Variants in ERC2 observed in about 807,000 individuals in gnomAD.
The protein encoded by ERC2 is ERC protein 2.
Under a neutral mutation model 114.8 loss-of-function variants are expected in ERC2, and 42 were observed. The ratio of observed to expected loss-of-function variants is 0.37; its 90% CI spans 0.29 to 0.47. The LOEUF is 0.47. Among genes scored for constraint, ERC2 ranks in the 20% least tolerant of loss-of-function variants. The pLI is 0.99. For synonymous variants in ERC2, 454 were observed against 425.5 expected (o/e 1.07, Z -0.82); for missense variants, 939 against 1,150.7 (o/e 0.82, Z 2.66).
At chr3:55,716,849 A>G (rs1387448011) in intron 15 of ERC2, among the ~76,000 whole-genome samples, 1 of 152,178 alleles carries the variant, frequency 6.6e-6, no homozygotes, top group Non-Finnish European at 1.5e-5. Context: ...TTTATTTTAC[A>G]TTTCCAGTAG....
chr3:56,292,609 A>G (rs1269033198), intron 3 of ERC2, among the ~76,000 whole-genome samples: 1 of 151,954 alleles, frequency 6.6e-6, no homozygotes, highest in East Asian at 1.9e-4. Context: ...CCCGCAAAAA[A>G]AAGAAAAGAA....
chr3:56,081,443 C>A (rs1280249535), intron 6 of ERC2, among the ~76,000 whole-genome samples: 1 of 151,972 alleles, frequency 6.6e-6, no homozygotes, highest in African/African-American at 2.4e-5. Context: ...GAGAAACACT[C>A]CTAAATTAGA....
intron 17 of ERC2, chr3:55,613,143 G>A (rs1255001439): frequency 1.3e-5 from 2 of 152,160 alleles, no homozygotes; most frequent in African/African-American, 4.8e-5. Flanking sequence ...TGAACCATTT[G>A]AGTTCTAAGA....
At chr3:55,908,944 T>C (rs2064633606) in intron 13 of ERC2, among the ~76,000 whole-genome samples, 2 of 152,186 alleles carry the variant, frequency 1.3e-5, no homozygotes, top group African/African-American at 4.8e-5. Flanking sequence ...CATGAAGTAG[T>C]CCCTCGAATA....
At chr3:56,434,139 T>G in intron 2 of ERC2, 29 of 390,056 alleles carry the variant, frequency 7.4e-5, no homozygotes, top group Non-Finnish European at 8.6e-5. Context: ...TCTGCAACCA[T>G]GTGAAAAGGT....
rs1559689616 is a variant in ERC2, at chr3:55,808,739, ATAT to A, written c.2565-73824_2565-73822del. ...TATATATATATATATATATATATAT[ATAT>A]AACGTATAACTAAACATATATATAT... On this transcript the variant is annotated intron_variant, in intron 14 of 17. Coordinates refer to ENST00000288221, the MANE Select transcript of ERC2 (RefSeq NM_015576.3). 6.2e-3 allele frequency among the ~76,000 whole-genome samples: 573 copies of A among 92,738 alleles called. 6 individuals are homozygous for A. Among genetic ancestry groups the A allele is most frequent in the East Asian group, 0.019 (60 of 3,118 alleles). The allele number at this position is 92,738 out of a possible 152,430, so 60.8% of individuals were successfully genotyped here. A position where few individuals can be genotyped will look rare whatever the true frequency, so the allele number is the denominator to read the frequency against.
intron 1 of ERC2, among the ~76,000 whole-genome samples, chr3:56,458,433 T>G (rs1469530853): frequency 3.3e-5 from 5 of 152,186 alleles, no homozygotes; most frequent in Admixed American, 2.6e-4. Flanking sequence ...CTATTCATGT[T>G]GTGAATTCAA....
intron 15 of ERC2, among the ~76,000 whole-genome samples, chr3:55,714,390 G>A (rs1417503925): frequency 6.6e-6 from 1 of 152,144 alleles, no homozygotes; most frequent in South Asian, 2.1e-4. Context: ...AATCATAGGA[G>A]CAGTTAATGA....
intron 1 of ERC2, among the ~76,000 whole-genome samples, chr3:56,459,817 T>C (rs761211436): frequency 5.3e-5 from 8 of 152,088 alleles, no homozygotes; most frequent in Non-Finnish European, 7.3e-5. Flanking sequence ...GCACACGCAC[T>C]CTCTCTCTTT....
chr3:56,360,563 G>T (rs190569443), intron 2 of ERC2, among the ~76,000 whole-genome samples: 18 of 152,264 alleles, frequency 1.2e-4, no homozygotes, highest in Admixed American at 1.0e-3. Flanking sequence ...AGCAGAGAAA[G>T]CTTCACAGAA....
intron 3 of ERC2, among the ~76,000 whole-genome samples, chr3:56,294,740 T>C (rs2150354457): frequency 6.6e-6 from 1 of 152,354 alleles, no homozygotes; most frequent in South Asian, 2.1e-4. Flanking sequence ...TATAATGGTG[T>C]GAATTCCAAG....
chr3:55,850,025 G>A (rs2061505792), intron 14 of ERC2, among the ~76,000 whole-genome samples: 1 of 152,186 alleles, frequency 6.6e-6, no homozygotes, highest in African/African-American at 2.4e-5. Context: ...CCCTGATGGA[G>A]AAACCATTCC....
intron 2 of ERC2, among the ~76,000 whole-genome samples, chr3:56,377,369 C>T (rs544349828): frequency 6.6e-6 from 1 of 152,148 alleles, no homozygotes; most frequent in South Asian, 2.1e-4. Flanking sequence ...GAAAGAAATG[C>T]CTGAGGATGC....
At chr3:55,730,375 T>C (rs893187601) in intron 15 of ERC2, among the ~76,000 whole-genome samples, 2 of 152,268 alleles carry the variant, frequency 1.3e-5, no homozygotes, top group East Asian at 1.9e-4. Flanking sequence ...AGGCAATAAG[T>C]TGGTTGATTA....
intron 13 of ERC2, among the ~76,000 whole-genome samples, chr3:55,899,820 T>C (rs138209231): frequency 1.5e-4 from 23 of 152,354 alleles, no homozygotes; most frequent in African/African-American, 5.1e-4. Context: ...TATTATATAT[T>C]TCTTTGTACT....
intron 3 of ERC2, among the ~76,000 whole-genome samples, chr3:56,191,021 G>T (rs1248339356): frequency 6.6e-6 from 1 of 152,204 alleles, no homozygotes; most frequent in Non-Finnish European, 1.5e-5. Context: ...CTGACAGGGA[G>T]CCAGGAATAG....
intron 13 of ERC2, among the ~76,000 whole-genome samples, chr3:55,901,648 C>G (rs776105628): frequency 2.0e-5 from 3 of 152,202 alleles, no homozygotes; most frequent in Non-Finnish European, 4.4e-5. Flanking sequence ...TTAATTAAGT[C>G]AGGCCCACCA....
chr3:56,328,513 T>C (rs756738496), intron 2 of ERC2, among the ~76,000 whole-genome samples: 21 of 152,162 alleles, frequency 1.4e-4, no homozygotes, highest in Non-Finnish European at 2.5e-4. Context: ...TAGAGGAAGA[T>C]AAGGTACAAA....
intron 13 of ERC2, among the ~76,000 whole-genome samples, chr3:55,931,019 C>G (rs1200102164): frequency 6.6e-6 from 1 of 152,180 alleles, no homozygotes; most frequent in East Asian, 1.9e-4. Flanking sequence ...CATCACTGGT[C>G]ATTAGAGAAA....
Sources: gnomAD v4.1 joint callset for allele counts (sites outside exome capture counted in the v4.1 genomes callset) on GRCh38, gnomAD v4.1.1 for gene constraint, MANE v1.5 for transcripts, NCBI Gene and HGNC (gene_info 2026-07-23, HGNC 2026-07-21) for gene names.